Variants in CAPN2 observed in about 807,000 individuals in gnomAD.
CAPN2 encodes calpain-2 catalytic subunit.
CAPN2 carries 92 observed loss-of-function variants against 102.3 expected under a neutral mutation model. The observed-to-expected ratio is 0.90, with a 90% confidence interval of 0.76 to 1.07. The LOEUF is 1.07. Among genes scored for constraint, CAPN2 ranks in the 50% least tolerant of loss-of-function variants. CAPN2 has a pLI of 0.00. For missense variants in CAPN2, 800 were observed against 909.4 expected (o/e 0.88, Z 1.55); for synonymous variants, 340 against 355.4 (o/e 0.96, Z 0.49).
At position 223,775,807 on chromosome 1, in the gene CAPN2, T is replaced by G. The variant is rs557282196; in HGVS notation, c.*950T>G. The stretch of plus-strand genomic sequence containing the variant: ...TTGCCTTATCTTCTTCCAAATGTAC[T>G]GTTAAATAAAAATAAAGGGTTACCC... On this transcript the variant is annotated 3_prime_UTR_variant, in exon 21 of 21. Transcript: ENST00000295006. The G allele has an allele frequency of 2.6e-5, 4 of 152,596 alleles. No homozygotes were observed. Among genetic ancestry groups the G allele is most frequent in the Non-Finnish European group, 5.9e-5 (4 of 68,032 alleles). 9.5% of individuals were successfully genotyped at this position (152,596 alleles called of 1,614,324 possible).
intron 2 of CAPN2, among the ~76,000 whole-genome samples, chr1:223,743,769 G>A (rs1660682818): frequency 6.6e-6 from 1 of 152,200 alleles, no homozygotes; most frequent in African/African-American, 2.4e-5. Flanking sequence ...GCAAGGCTGG[G>A]CTCTGAGGGC....
intron 2 of CAPN2, among the ~76,000 whole-genome samples, chr1:223,737,888 A>G (rs550885319): frequency 3.3e-5 from 5 of 152,178 alleles, no homozygotes; most frequent in Non-Finnish European, 5.9e-5. Context: ...CTTAGTGTTG[A>G]CACCCAACAG....
At chr1:223,728,470 C>A (rs1293907907) in intron 2 of CAPN2, among the ~76,000 whole-genome samples, 1 of 152,150 alleles carries the variant, frequency 6.6e-6, no homozygotes, top group African/African-American at 2.4e-5. Flanking sequence ...GCTTGGAAGT[C>A]ACATAGCATC....
chr1:223,724,817 T>G (rs1381221543), intron 2 of CAPN2, among the ~76,000 whole-genome samples: 1 of 152,016 alleles, frequency 6.6e-6, no homozygotes, highest in East Asian at 1.9e-4. Flanking sequence ...AAAAAAAATT[T>G]TTTTAATTAG....
intron 5 of CAPN2, 127 bp downstream of exon 5, chr1:223,747,292 A>G: frequency 3.4e-6 from 3 of 883,720 alleles, no homozygotes; most frequent in South Asian, 5.9e-5. Flanking sequence ...CGTAGGGGCC[A>G]AAGGAAAACC....
chr1:223,713,197 G>A (rs1042071707), intron 1 of CAPN2, among the ~76,000 whole-genome samples: 17 of 152,170 alleles, frequency 1.1e-4, no homozygotes, highest in Non-Finnish European at 2.1e-4. Context: ...GGAGGCCGGG[G>A]TGAAACTTTG....
At chr1:223,710,229 T>C (rs1367324767), upstream of CAPN2, among the ~76,000 whole-genome samples, 1 of 151,894 alleles carries the variant, frequency 6.6e-6, no homozygotes, top group Non-Finnish European at 1.5e-5. Context: ...TTAGCTGAGA[T>C]CGTCAAGATC....
At chr1:223,747,260 A>G in intron 5 of CAPN2, 95 bp downstream of exon 5, 1 of 1,243,614 alleles carries the variant, frequency 8.0e-7, no homozygotes, top group Non-Finnish European at 1.1e-6. Flanking sequence ...TCCTGTGTAC[A>G]ACGTAATGCA....
intron 1 of CAPN2, among the ~76,000 whole-genome samples, chr1:223,703,199 C>G (rs1659525473): frequency 6.6e-6 from 1 of 152,198 alleles, no homozygotes; most frequent in Non-Finnish European, 1.5e-5. Flanking sequence ...CTGGGTGACT[C>G]ATTGAGTATC....
At chr1:223,743,033 G>C (rs1558068785) in intron 2 of CAPN2, among the ~76,000 whole-genome samples, 2 of 152,164 alleles carry the variant, frequency 1.3e-5, no homozygotes, top group Admixed American at 1.3e-4. Context: ...CAAACCATCT[G>C]GGTGCTGTTG....
intron 2 of CAPN2, among the ~76,000 whole-genome samples, chr1:223,720,611 C>A (rs1243479058): frequency 2.0e-5 from 3 of 152,146 alleles, no homozygotes; most frequent in African/African-American, 7.2e-5. Context: ...GCCACTGCGC[C>A]CAGCCAAGAT....
intron 2 of CAPN2, among the ~76,000 whole-genome samples, chr1:223,724,592 A>T (rs1389004999): frequency 6.6e-6 from 1 of 152,230 alleles, no homozygotes; most frequent in African/African-American, 2.4e-5. Flanking sequence ...ACAGCAGCAG[A>T]CTGTTGCGCT....
upstream of CAPN2, among the ~76,000 whole-genome samples, chr1:223,711,506 C>T (rs1009786745): frequency 1.3e-5 from 2 of 152,172 alleles, no homozygotes; most frequent in South Asian, 4.1e-4. Flanking sequence ...AGTATGTATG[C>T]CCATGCAATA....
chr1:223,718,955 C>G (rs531749271), intron 2 of CAPN2, among the ~76,000 whole-genome samples: 2 of 152,290 alleles, frequency 1.3e-5, no homozygotes, highest in East Asian at 3.9e-4. Context: ...GGAAAATTTT[C>G]TAGCCCTGAG....
At chr1:223,751,010 G>C (rs764132987) in intron 7 of CAPN2, 35 bp downstream of exon 7, 1 of 1,500,310 alleles carries the variant, frequency 6.7e-7, no homozygotes, top group Non-Finnish European at 9.1e-7. Flanking sequence ...CCCCAGGCGG[G>C]GGTGCATTGT....
intron 2 of CAPN2, among the ~76,000 whole-genome samples, chr1:223,730,010 CAAAAAAAAAAAAAAAA>C (rs57382658): frequency 3.8e-5 from 3 of 79,038 alleles, no homozygotes; most frequent in African/African-American, 1.4e-4. Flanking sequence ...CCCAAAAAAC[CAAAAAAAAAAAAAAAA>C]AAAAAAAAAC....
intron 7 of CAPN2, 59 bp downstream of exon 7, chr1:223,751,034 G>T: frequency 7.5e-7 from 1 of 1,337,054 alleles, no homozygotes; most frequent in Non-Finnish European, 1.1e-6. Context: ...GGGAGGCTCT[G>T]GGAAGAGGGC....
At chr1:223,707,413 C>T (rs1203998757) in intron 1 of CAPN2, among the ~76,000 whole-genome samples, 3 of 152,266 alleles carry the variant, frequency 2.0e-5, no homozygotes, top group South Asian at 4.1e-4. Context: ...GGTTTTCCAC[C>T]ATGAAGTGTT....
chr1:223,751,649 T>C (rs1424526172), intron 7 of CAPN2, among the ~76,000 whole-genome samples: 1 of 148,470 alleles, frequency 6.7e-6, no homozygotes, highest in Non-Finnish European at 1.5e-5. Context: ...AGATCTTCAG[T>C]TGTCTCTAAA....
Sources: gnomAD v4.1 joint callset for allele counts (sites outside exome capture counted in the v4.1 genomes callset) on GRCh38, gnomAD v4.1.1 for gene constraint, MANE v1.5 for transcripts, NCBI Gene and HGNC (gene_info 2026-07-23, HGNC 2026-07-21) for gene names.